SHC3: variants seen among roughly 807,000 people sequenced by gnomAD.
SHC3 encodes the protein SHC adaptor protein 3.
A neutral mutation model predicts 60.4 loss-of-function variants in SHC3; 15 were observed. That is an observed-to-expected ratio of 0.25 (90% CI 0.17 to 0.38). The LOEUF is 0.38. SHC3 is among the 10% of genes least tolerant of loss of function. SHC3 has a pLI of 1.00. For synonymous variants in SHC3, 294 were observed against 325.9 expected, an observed-to-expected ratio of 0.90 and a Z score of 1.05; for missense variants, 677 against 786.1, an observed-to-expected ratio of 0.86 and a Z score of 1.66.
chr9:89,115,163 A>G (rs757104385), intron 1 of SHC3, among the ~76,000 whole-genome samples: 3 of 152,166 alleles, frequency 2.0e-5, no homozygotes, highest in African/African-American at 4.8e-5. Context: ...TGACATCTCA[A>G]AGTTAGATGA....
intron 8 of SHC3, among the ~76,000 whole-genome samples, chr9:89,046,255 T>G (rs1430355410): frequency 1.3e-5 from 2 of 152,094 alleles, no homozygotes; most frequent in Admixed American, 6.5e-5. Flanking sequence ...CTTCAAAAAA[T>G]CAGGAAATTC....
intron 2 of SHC3, among the ~76,000 whole-genome samples, chr9:89,081,617 C>A (rs573626561): frequency 1.3e-5 from 2 of 152,146 alleles, no homozygotes; most frequent in South Asian, 2.1e-4. Context: ...ATCCCACCCC[C>A]CTAGTCCTTT....
At position 89,009,282 on chromosome 9, in the gene SHC3, C is replaced by T. The variant is rs1825984579; in HGVS notation, c.*4165G>A. 1 of 152,232 alleles carries T rather than the reference C, an allele frequency of 6.6e-6. No individual in the cohort carries two copies. Among genetic ancestry groups the T allele is most frequent in the Non-Finnish European group, 1.5e-5 (1 of 68,066 alleles). The allele number at this position is 152,232 out of a possible 1,614,324, so 9.4% of individuals were successfully genotyped here. A position where few individuals can be genotyped will look rare whatever the true frequency, so the allele number is the denominator to read the frequency against. Reference sequence around the variant, plus strand: ...CCAGGAGTGGGTTTGTCCTCTTCATCTTTCTTAGAGCCAGCTTTGAAAGTT... The same window carrying T: ...CCAGGAGTGGGTTTGTCCTCTTCATTTTTCTTAGAGCCAGCTTTGAAAGTT... On this transcript the variant is annotated 3_prime_UTR_variant, in exon 12 of 12. Transcript: ENST00000375835.
intron 8 of SHC3, among the ~76,000 whole-genome samples, chr9:89,046,059 C>T (rs750879685): frequency 4.4e-5 from 6 of 136,236 alleles, no homozygotes; most frequent in Admixed American, 3.7e-4. Flanking sequence ...CATGCCCCCC[C>T]GCTTGTTTTC....
At chr9:89,117,839 A>C (rs1409229061) in intron 1 of SHC3, among the ~76,000 whole-genome samples, 1 of 151,988 alleles carries the variant, frequency 6.6e-6, no homozygotes, top group Non-Finnish European at 1.5e-5. Context: ...TCTACATAGG[A>C]TATGGGAAGA....
intron 1 of SHC3, among the ~76,000 whole-genome samples, chr9:89,157,240 G>A (rs189524727): frequency 7.6e-4 from 116 of 152,258 alleles, no homozygotes; most frequent in Non-Finnish European, 1.4e-3. Flanking sequence ...CTGGATTATC[G>A]GGTGGCCCAT....
At chr9:89,043,664 T>TA (rs1564095817) in intron 9 of SHC3, among the ~76,000 whole-genome samples, 13 of 151,872 alleles carry the variant, frequency 8.6e-5, no homozygotes, top group African/African-American at 2.9e-4. Context: ...TTTTTTTTTT[T>TA]TTTTTGAGGC....
chr9:89,131,532 CA>C (rs1436312232), intron 1 of SHC3, among the ~76,000 whole-genome samples: 2 of 152,158 alleles, frequency 1.3e-5, no homozygotes, highest in Non-Finnish European at 2.9e-5. Context: ...AAACTGAATC[CA>C]GCAGCACATC....
intron 2 of SHC3, among the ~76,000 whole-genome samples, chr9:89,084,731 A>C (rs768539462): frequency 1.3e-5 from 2 of 152,190 alleles, no homozygotes; most frequent in Non-Finnish European, 2.9e-5. Context: ...AATCAAGGGG[A>C]GAAATCCACA....
intron 2 of SHC3, among the ~76,000 whole-genome samples, chr9:89,097,047 G>A (rs778639040): frequency 6.8e-6 from 1 of 146,968 alleles, no homozygotes; most frequent in Non-Finnish European, 1.5e-5. Context: ...CAGCAGCGAG[G>A]AGGCCACCAG....
At chr9:89,046,077 C>T (rs1390342655) in intron 8 of SHC3, among the ~76,000 whole-genome samples, 1 of 130,996 alleles carries the variant, frequency 7.6e-6, no homozygotes, top group Non-Finnish European at 1.6e-5. Flanking sequence ...TTCATTACCC[C>T]CCCCACCCCT....
At chr9:89,114,569 G>A (rs12156535) in intron 1 of SHC3, among the ~76,000 whole-genome samples, 10,050 of 152,172 alleles carry the variant, frequency 0.066, 460 homozygotes, top group Middle Eastern at 0.12. Context: ...CAGGCTACAT[G>A]TAAATACTAT....
intron 1 of SHC3, among the ~76,000 whole-genome samples, chr9:89,148,195 G>C (rs1436891915): frequency 2.0e-5 from 3 of 152,092 alleles, no homozygotes; most frequent in Admixed American, 6.6e-5. Flanking sequence ...TTGTCTGATT[G>C]CGTTTCTGTG....
intron 2 of SHC3, among the ~76,000 whole-genome samples, chr9:89,090,660 T>C (rs973572413): frequency 6.6e-6 from 1 of 152,022 alleles, no homozygotes; most frequent in South Asian, 2.1e-4. Context: ...GTTGAGCCCA[T>C]GCGGATTGGG....
At chr9:89,093,293 T>C (rs911481725) in intron 2 of SHC3, among the ~76,000 whole-genome samples, 5 of 152,160 alleles carry the variant, frequency 3.3e-5, no homozygotes, top group African/African-American at 1.2e-4. Context: ...AATGGTTCCA[T>C]TTACAGGAAA....
intron 1 of SHC3, among the ~76,000 whole-genome samples, chr9:89,148,661 A>G (rs1298424125): frequency 1.3e-5 from 2 of 152,326 alleles, no homozygotes; most frequent in East Asian, 3.9e-4. Flanking sequence ...TAAGTTAATG[A>G]CCTAATCTCT....
chr9:89,084,571 G>A (rs975834424), intron 2 of SHC3, among the ~76,000 whole-genome samples: 1 of 152,206 alleles, frequency 6.6e-6, no homozygotes, highest in Non-Finnish European at 1.5e-5. Flanking sequence ...CACAGGTCAT[G>A]TCACAGGCAT....
chr9:89,020,239 G>A (rs1012543732), intron 11 of SHC3, among the ~76,000 whole-genome samples: 7 of 151,996 alleles, frequency 4.6e-5, no homozygotes, highest in African/African-American at 1.7e-4. Flanking sequence ...AGGTTAAGGG[G>A]TGAAAGAGGG....
intron 1 of SHC3, among the ~76,000 whole-genome samples, chr9:89,154,720 T>C (rs1162832347): frequency 6.6e-6 from 1 of 152,182 alleles, no homozygotes; most frequent in Non-Finnish European, 1.5e-5. Flanking sequence ...TGTGAGCTGG[T>C]GGCGTGTGTC....
Sources: allele counts gnomAD v4.1 joint callset (sites outside exome capture counted in the v4.1 genomes callset), GRCh38; gene constraint gnomAD v4.1.1; transcripts MANE v1.5; gene names NCBI Gene and HGNC (gene_info 2026-07-23, HGNC 2026-07-21).